DIP2C: variants seen among roughly 807,000 people sequenced by gnomAD.
DIP2C encodes the protein disco-interacting protein 2 homolog C.
DIP2C carries 33 observed loss-of-function variants against 192.4 expected under a neutral mutation model. The ratio of observed to expected loss-of-function variants is 0.17; its 90% CI spans 0.13 to 0.23. The LOEUF (loss-of-function observed/expected upper bound fraction) is 0.23, where lower values mean the gene tolerates loss of function less well. DIP2C is among the 10% of genes least tolerant of loss of function. DIP2C has a pLI of 1.00. For synonymous variants in DIP2C, 979 were observed against 864.1 expected (o/e 1.13, Z -2.33); for missense variants, 1,537 against 2,110.1 (o/e 0.73, Z 5.32).
chr10:621,027 T>C (rs1853814634), intron 1 of DIP2C, among the ~76,000 whole-genome samples: 1 of 152,178 alleles, frequency 6.6e-6, no homozygotes, highest in Middle Eastern at 3.2e-3. Flanking sequence ...GTTCTGACGT[T>C]TGGTCCTGAG....
chr10:659,415 C>T (rs1218368434), intron 1 of DIP2C, among the ~76,000 whole-genome samples: 1 of 152,138 alleles, frequency 6.6e-6, no homozygotes, highest in Non-Finnish European at 1.5e-5. Context: ...CCTCAAAGAC[C>T]CCATTATTCA....
chr10:341,929 T>C (rs939927777), intron 28 of DIP2C, among the ~76,000 whole-genome samples: 21 of 152,162 alleles, frequency 1.4e-4, no homozygotes, highest in Non-Finnish European at 2.8e-4. Flanking sequence ...GCACGATACC[T>C]GGCCCCAAAG....
intron 1 of DIP2C, among the ~76,000 whole-genome samples, chr10:572,350 C>T (rs1392984966): frequency 6.6e-6 from 1 of 152,222 alleles, no homozygotes; most frequent in Admixed American, 6.5e-5. Flanking sequence ...AACTGTGCAT[C>T]CTGAGCGCCA....
intron 3 of DIP2C, among the ~76,000 whole-genome samples, chr10:454,095 G>A (rs1448577745): frequency 6.6e-6 from 1 of 152,200 alleles, no homozygotes; most frequent in East Asian, 1.9e-4. Flanking sequence ...ATTGATAGAG[G>A]TGCATTTGGT....
At chr10:414,912 T>A (rs140217957) in intron 7 of DIP2C, among the ~76,000 whole-genome samples, 21,595 of 137,026 alleles carry the variant, frequency 0.16, 2,623 homozygotes, top group Non-Finnish European at 0.22. Context: ...ATATATTTTT[T>A]TTTTTTTTTG....
At chr10:650,449 G>A in intron 1 of DIP2C, 1 of 708,982 alleles carries the variant, frequency 1.4e-6, no homozygotes, top group South Asian at 1.5e-5. Flanking sequence ...TATGGTAGGT[G>A]ACCCGGTTAT....
In DIP2C at chr10:666,570, G is replaced by A. The variant is rs534822206; in HGVS notation, c.85+22924C>T. ...GCACACAGGTAACATAGAACTGGGG[G>A]TAAGCAAAGCCACGAGGTCGGCCCG... is the stretch of plus-strand genomic sequence containing the variant. On this transcript the variant is annotated intron_variant, in intron 1 of 36. Coordinates refer to ENST00000280886, the MANE Select transcript of DIP2C (RefSeq NM_014974.3). The surrounding 1 kb of genome is among the most constrained non-coding windows in gnomAD (Gnocchi z 4.1). The A allele has an allele frequency of 6.6e-6, 1 of 150,674 alleles. No individual in the cohort carries two copies. Among genetic ancestry groups the A allele is most frequent in the East Asian group, 1.9e-4 (1 of 5,146 alleles). The allele number at this position is 150,674 out of a possible 1,614,324, so 9.3% of individuals were successfully genotyped here. A position where few individuals can be genotyped will look rare whatever the true frequency, so the allele number is the denominator to read the frequency against.
At chr10:318,922 T>TA (rs397825042) in intron 31 of DIP2C, among the ~76,000 whole-genome samples, 8 of 151,780 alleles carry the variant, frequency 5.3e-5, no homozygotes, top group African/African-American at 1.7e-4. Context: ...TTTTTTTTTT[T>TA]ATACAGAGTC....
At chr10:475,149 C>T (rs1970959368) in intron 2 of DIP2C, among the ~76,000 whole-genome samples, 1 of 152,192 alleles carries the variant, frequency 6.6e-6, no homozygotes, top group African/African-American at 2.4e-5. Context: ...TTTAATTTCT[C>T]CAGATAACAC....
intron 1 of DIP2C, among the ~76,000 whole-genome samples, chr10:593,480 G>C (rs1361127718): frequency 1.8e-5 from 2 of 109,192 alleles, no homozygotes; most frequent in Admixed American, 9.0e-5. Context: ...CTCTGCCCAC[G>C]CGGGACCCCC....
chr10:366,145 G>A (rs1046606169), intron 19 of DIP2C, 130 bp downstream of exon 19: 24 of 1,327,812 alleles, frequency 1.8e-5, no homozygotes, highest in African/African-American at 1.3e-4. Context: ...AAGTGCCATC[G>A]TTTTCATTCA....
chr10:304,728 C>T (rs1956225293), intron 32 of DIP2C, among the ~76,000 whole-genome samples: 1 of 145,274 alleles, frequency 6.9e-6, no homozygotes, highest in Admixed American at 7.0e-5. Flanking sequence ...CACACACGTA[C>T]ACATGTAACA....
At chr10:387,246 C>A (rs972506547) in intron 14 of DIP2C, among the ~76,000 whole-genome samples, 16 of 152,232 alleles carry the variant, frequency 1.1e-4, no homozygotes, top group Non-Finnish European at 1.2e-4. Context: ...TAACCTCAAT[C>A]CACGTGTCCA....
At chr10:595,364 T>C (rs1564245378) in intron 1 of DIP2C, among the ~76,000 whole-genome samples, 1 of 152,138 alleles carries the variant, frequency 6.6e-6, no homozygotes, top group African/African-American at 2.4e-5. Context: ...CAGCCAAATA[T>C]TGGCAGTTTC....
chr10:443,840 A>G (rs865844988), intron 3 of DIP2C, among the ~76,000 whole-genome samples: 1 of 152,176 alleles, frequency 6.6e-6, no homozygotes, highest in African/African-American at 2.4e-5. Flanking sequence ...AAATCTATCA[A>G]ATAGAGTTCA....
At position 379,298 on chromosome 10, in the gene DIP2C, G is replaced by C. The variant is rs1962101061; in HGVS notation, c.1991+3349C>G. On this transcript the variant is annotated intron_variant, in intron 17 of 36. Coordinates refer to ENST00000280886, the MANE Select transcript of DIP2C (RefSeq NM_014974.3). ...ATCACTAGGGCTGCTGCTGCTCCCG[G>C]AAGTGCCCGTGCATCCTGCGTATTT... Among the ~76,000 whole-genome samples, 3 of 151,242 alleles carry C rather than the reference G, an allele frequency of 2.0e-5. No individual in the cohort carries two copies. In the South Asian group the frequency reaches 6.3e-4, roughly 32 times the overall value.
chr10:546,943 A>AT (rs973699903), intron 1 of DIP2C, among the ~76,000 whole-genome samples: 3 of 152,188 alleles, frequency 2.0e-5, no homozygotes, highest in African/African-American at 7.2e-5. Context: ...CAATTTGTTC[A>AT]TTTTTCAGGC....
At chr10:454,500 T>G (rs887661185) in intron 3 of DIP2C, among the ~76,000 whole-genome samples, 2 of 150,182 alleles carry the variant, frequency 1.3e-5, no homozygotes, top group Non-Finnish European at 3.0e-5. Context: ...AATGAGATAT[T>G]CAGGGATAAA....
At chr10:428,941 TCTC>T in intron 4 of DIP2C, among the ~76,000 whole-genome samples, 2 of 152,108 alleles carry the variant, frequency 1.3e-5, no homozygotes, top group African/African-American at 4.8e-5. Flanking sequence ...TATAGTGATG[TCTC>T]ACTTATCCTT....
Sources: gnomAD v4.1 joint callset for allele counts (sites outside exome capture counted in the v4.1 genomes callset) on GRCh38, gnomAD v4.1.1 for gene constraint, Gnocchi (gnomAD v3.1) non-coding constraint, MANE v1.5 for transcripts, NCBI Gene and HGNC (gene_info 2026-07-23, HGNC 2026-07-21) for gene names.